Variants in XPNPEP1 observed in about 807,000 individuals in gnomAD.
XPNPEP1 encodes the protein xaa-Pro aminopeptidase 1.
Under a neutral mutation model 92.4 loss-of-function variants are expected in XPNPEP1, and 39 were observed. The ratio of observed to expected loss-of-function variants is 0.42; its 90% CI spans 0.33 to 0.55. The LOEUF is 0.55. Among genes scored for constraint, XPNPEP1 ranks in the 20% least tolerant of loss-of-function variants. The pLI, the probability that XPNPEP1 is intolerant of heterozygous loss-of-function variation, is 0.08. For missense variants in XPNPEP1, 654 were observed against 856.1 expected (o/e 0.76, Z 2.95); for synonymous variants, 307 against 299.4 (o/e 1.03, Z -0.26).
intron 2 of XPNPEP1, among the ~76,000 whole-genome samples, chr10:109,912,136 C>T (rs1361402529): frequency 6.6e-6 from 1 of 152,090 alleles, no homozygotes. Context: ...CATATCAGAC[C>T]CCCACAGAAT....
intron 1 of XPNPEP1, among the ~76,000 whole-genome samples, chr10:109,919,268 C>G (rs1282882234): frequency 6.6e-6 from 1 of 152,132 alleles, no homozygotes; most frequent in African/African-American, 2.4e-5. Context: ...ATATAAAGAA[C>G]TATTATAACT....
intron 2 of XPNPEP1, among the ~76,000 whole-genome samples, chr10:109,914,352 T>C (rs918630956): frequency 6.6e-6 from 1 of 152,188 alleles, no homozygotes; most frequent in Non-Finnish European, 1.5e-5. Context: ...AGCTAATTTC[T>C]AAGATAATGA....
At chr10:109,885,712 T>TAAAAC (rs1848352914) in intron 8 of XPNPEP1, among the ~76,000 whole-genome samples, 2 of 152,164 alleles carry the variant, frequency 1.3e-5, no homozygotes, top group Non-Finnish European at 2.9e-5. Flanking sequence ...CCAGATTCCG[T>TAAAAC]CAGGTTTTAG....
At chr10:109,870,063 G>T (rs923504145) in intron 18 of XPNPEP1, 34 bp from the exon 19 acceptor site, 1 of 1,609,632 alleles carries the variant, frequency 6.2e-7, no homozygotes, top group South Asian at 1.1e-5. Context: ...ATGAGAAGCA[G>T]CCCACGATGA....
intron 14 of XPNPEP1, 26 bp downstream of exon 14, chr10:109,877,764 G>A (rs1847862094): frequency 1.2e-6 from 2 of 1,613,886 alleles, no homozygotes; most frequent in South Asian, 2.2e-5. Context: ...GCAAGGCCAG[G>A]CAGCATGCTC....
chr10:109,874,785 T>C (rs1335843152), intron 15 of XPNPEP1, among the ~76,000 whole-genome samples: 3 of 152,066 alleles, frequency 2.0e-5, no homozygotes, highest in African/African-American at 7.2e-5. Context: ...CCGTCTCCAC[T>C]AAAAATACAA....
chr10:109,905,903 C>T (rs1316050903), intron 3 of XPNPEP1, among the ~76,000 whole-genome samples: 1 of 152,090 alleles, frequency 6.6e-6, no homozygotes, highest in African/African-American at 2.4e-5. Flanking sequence ...ATATCCGATC[C>T]CTTTGCTTAT....
chr10:109,868,917 T>C (rs540479118), intron 19 of XPNPEP1, among the ~76,000 whole-genome samples: 37 of 152,272 alleles, frequency 2.4e-4, no homozygotes, highest in African/African-American at 8.4e-4. Context: ...CAATGGCCTG[T>C]GCCATCAGGA....
At chr10:109,888,295 C>T in intron 6 of XPNPEP1, 103 bp from the exon 7 acceptor site, 2 of 1,478,822 alleles carry the variant, frequency 1.4e-6, no homozygotes, top group Non-Finnish European at 1.8e-6. Flanking sequence ...GTGGTCCTGC[C>T]ATGGCCCAGA....
chr10:109,895,222 T>A (rs188447311), intron 3 of XPNPEP1, among the ~76,000 whole-genome samples: 1 of 152,326 alleles, frequency 6.6e-6, no homozygotes, highest in East Asian at 1.9e-4. Context: ...GGCTTGGGGC[T>A]CTTCCACCCG....
chr10:109,882,404 T>C (rs1412968640), intron 10 of XPNPEP1, 28 bp downstream of exon 10: 1 of 1,601,590 alleles, frequency 6.2e-7, no homozygotes, highest in African/African-American at 1.3e-5. Context: ...GTGGCAGAGT[T>C]TAGATGGGCC....
At chr10:109,892,737 T>C (rs557366345) in intron 4 of XPNPEP1, among the ~76,000 whole-genome samples, 19 of 152,344 alleles carry the variant, frequency 1.2e-4, no homozygotes, top group African/African-American at 4.6e-4. Flanking sequence ...CTTTTATATG[T>C]ATGTTATATT....
At chr10:109,917,361 A>G (rs577825623) in intron 1 of XPNPEP1, among the ~76,000 whole-genome samples, 1 of 152,228 alleles carries the variant, frequency 6.6e-6, no homozygotes, top group Non-Finnish European at 1.5e-5. Flanking sequence ...CAAAAATAAA[A>G]TTAAGAAAAG....
At chr10:109,905,171 A>G (rs1231694414) in intron 3 of XPNPEP1, among the ~76,000 whole-genome samples, 1 of 152,154 alleles carries the variant, frequency 6.6e-6, no homozygotes, top group East Asian at 1.9e-4. Context: ...AAAGACAAAT[A>G]CTGCATGATT....
chr10:109,889,793 C>G (rs1406158313), intron 5 of XPNPEP1, among the ~76,000 whole-genome samples: 1 of 152,138 alleles, frequency 6.6e-6, no homozygotes, highest in Non-Finnish European at 1.5e-5. Context: ...TCTCTACTGA[C>G]TACTGATACA....
chr10:109,907,975 C>A (rs991650292), intron 2 of XPNPEP1, among the ~76,000 whole-genome samples, 160 bp from the exon 3 acceptor site: 48 of 152,190 alleles, frequency 3.2e-4, no homozygotes, highest in African/African-American at 9.6e-4. Context: ...ACCAAAGCTG[C>A]CAGAAACACT....
intron 2 of XPNPEP1, among the ~76,000 whole-genome samples, chr10:109,914,593 T>A (rs1850071117): frequency 6.6e-6 from 1 of 151,924 alleles, no homozygotes; most frequent in African/African-American, 2.4e-5. Context: ...GGTCGGGAGT[T>A]CAAGACCAGC....
chr10:109,911,478 T>C (rs992267691), intron 2 of XPNPEP1, among the ~76,000 whole-genome samples: 3 of 152,212 alleles, frequency 2.0e-5, no homozygotes, highest in East Asian at 3.8e-4. Flanking sequence ...CGGAAGTATC[T>C]GGTCTGATCC....
intron 3 of XPNPEP1, among the ~76,000 whole-genome samples, chr10:109,906,144 T>C (rs1049517970): frequency 4.6e-5 from 7 of 152,156 alleles, no homozygotes; most frequent in African/African-American, 1.2e-4. Flanking sequence ...TCCATCATGG[T>C]GGACTGGTGG....
Sources: gnomAD v4.1 joint callset for allele counts (sites outside exome capture counted in the v4.1 genomes callset) on GRCh38, gnomAD v4.1.1 for gene constraint, MANE v1.5 for transcripts, NCBI Gene and HGNC (gene_info 2026-07-23, HGNC 2026-07-21) for gene names.